The following TBK1 variants were observed in gnomAD, a reference collection of about 807,000 sequenced individuals.
The protein encoded by TBK1 is TANK binding kinase 1.
TBK1 carries 37 observed loss-of-function variants against 99.9 expected under a neutral mutation model. The ratio of observed to expected loss-of-function variants is 0.37; its 90% CI spans 0.28 to 0.49. TBK1 has a LOEUF of 0.49. Among genes scored for constraint, TBK1 ranks in the 20% least tolerant of loss-of-function variants. The pLI is 0.98. For synonymous variants in TBK1, 258 were observed against 279.8 expected, an observed-to-expected ratio of 0.92 and a Z score of 0.78; for missense variants, 644 against 872.5, an observed-to-expected ratio of 0.74 and a Z score of 3.30.
In TBK1 at chr12:64,464,344, G is replaced by C; in HGVS notation, c.239G>C (p.Arg80Thr). 6.4e-7 allele frequency: 1 copy of C among 1,573,006 alleles called. No homozygotes were observed. Among genetic ancestry groups the C allele is most frequent in the Non-Finnish European group, 8.6e-7 (1 of 1,163,330 alleles). Residue 80 changes from arginine (R) to threonine (T), a missense_variant, in exon 4 of 21, where the codon AGA becomes ACA. Around this residue, in one of 3 missense-constraint regions of TBK1, gnomAD observed 148 missense variants for 202.1 expected, o/e 0.73. Transcript: ENST00000331710. Reference protein sequence around the residue: ...LFAIEEETTTRHKVLIMEFCP... With the variant: ...LFAIEEETTTTHKVLIMEFCP... Reference sequence around the variant, plus strand: ...GATTTTTTTTTTCAGACAACAACAAGACATAAAGTACTTATTATGGAATTT... The same window carrying C: ...GATTTTTTTTTTCAGACAACAACAACACATAAAGTACTTATTATGGAATTT...
At chr12:64,458,878 T>G (rs1286331733) in intron 2 of TBK1, among the ~76,000 whole-genome samples, 1 of 152,218 alleles carries the variant, frequency 6.6e-6, no homozygotes, top group Non-Finnish European at 1.5e-5. Context: ...ACTTAAATTC[T>G]TCTCTTTTCA....
chr12:64,498,326 A>G lies in TBK1; in HGVS notation c.2138+287A>G, dbSNP rs990828138. Among the ~76,000 whole-genome samples the G allele has an allele frequency of 1.6e-4, 24 of 152,208 alleles. 1 individual carries two copies. The highest frequency in any genetic ancestry group is 1.2e-3 in the Admixed American group (19 of 15,288). On this transcript the variant is annotated intron_variant, in intron 20 of 20. Coordinates refer to ENST00000331710, the MANE Select transcript of TBK1 (RefSeq NM_013254.4). ...TAATTCATTGGAATCATAATTTTCA[A>G]TTTGGTGAATCAGAGTTGCTTTTTA...
At chr12:64,474,014 A>G (rs2040687257) in intron 5 of TBK1, among the ~76,000 whole-genome samples, 1 of 152,152 alleles carries the variant, frequency 6.6e-6, no homozygotes, top group Admixed American at 6.6e-5. Context: ...CCATTTCCAC[A>G]TTAAATTATG....
In TBK1 at chr12:64,501,418, A is replaced by C; in HGVS notation, c.*37A>C. On this transcript the variant is annotated 3_prime_UTR_variant, in exon 21 of 21. Coordinates refer to ENST00000331710, the MANE Select transcript of TBK1 (RefSeq NM_013254.4). ...AAGTTTAAGAAAAGTTTCCGTTTGC[A>C]CAAGAAAATAACGCTTGGGCATTAA... is the stretch of plus-strand genomic sequence containing the variant. 6.2e-7 allele frequency: 1 copy of C among 1,604,260 alleles called. No homozygotes were observed. The highest frequency in any genetic ancestry group is 1.1e-5 in the South Asian group (1 of 89,674).
chr12:64,452,415 A>AGC (rs2040436416), intron 1 of TBK1: 1 of 151,732 alleles, frequency 6.6e-6, no homozygotes, highest in South Asian at 2.1e-4. Context: ...GGGTGGCCGT[A>AGC]GCCGGTGGAA....
chr12:64,493,532 C>G (rs1190009735), intron 13 of TBK1, among the ~76,000 whole-genome samples: 4 of 151,996 alleles, frequency 2.6e-5, no homozygotes, highest in African/African-American at 9.7e-5. Flanking sequence ...GAGGCTGAGG[C>G]AAGAGAATCA....
chr12:64,460,542 G>A (rs2040536731), intron 3 of TBK1, among the ~76,000 whole-genome samples: 1 of 151,922 alleles, frequency 6.6e-6, no homozygotes, highest in Admixed American at 6.6e-5. Context: ...ATAAAAGGGG[G>A]CGGCCGGCTG....
chr12:64,488,986 A>G (rs755356493), intron 12 of TBK1, among the ~76,000 whole-genome samples: 1 of 152,168 alleles, frequency 6.6e-6, no homozygotes, highest in Non-Finnish European at 1.5e-5. Flanking sequence ...GTGAGACTCC[A>G]TCTCAAAAAA....
At chr12:64,468,189 T>C (rs1024316319) in intron 5 of TBK1, among the ~76,000 whole-genome samples, 2 of 151,950 alleles carry the variant, frequency 1.3e-5, no homozygotes, top group African/African-American at 4.8e-5. Context: ...CTCTGTCTCT[T>C]AATTTTTTAA....
intron 16 of TBK1, 47 bp downstream of exon 16, chr12:64,496,453 GT>G: frequency 1.0e-6 from 1 of 998,462 alleles, no homozygotes; most frequent in Non-Finnish European, 1.4e-6. Context: ...TGCTATTTTG[GT>G]TATCTTTATT....
At chr12:64,457,885 A>G (rs1217766859) in intron 2 of TBK1, among the ~76,000 whole-genome samples, 5 of 152,244 alleles carry the variant, frequency 3.3e-5, no homozygotes, top group African/African-American at 7.2e-5. Context: ...AAAGGAAACA[A>G]ATATGTACTT....
chr12:64,501,515 T>C lies in TBK1; in HGVS notation c.*134T>C, dbSNP rs1259799218. On this transcript the variant is annotated 3_prime_UTR_variant, in exon 21 of 21. Coordinates refer to ENST00000331710, the MANE Select transcript of TBK1 (RefSeq NM_013254.4). ...GATGTGGTCGTGTAAATATGTACAA[T>C]ATTGTAAATACATAAAAAATATACA... 6.3e-6 allele frequency: 5 copies of C among 791,008 alleles called. No individual in the cohort carries two copies. The Admixed American group carries it at 1.5e-4, about 24-fold the overall frequency. The allele number at this position is 791,008 out of a possible 1,614,324, so 49.0% of individuals were successfully genotyped here.
intron 1 of TBK1, chr12:64,453,039 G>A (rs1377593288): frequency 6.6e-6 from 1 of 152,232 alleles, no homozygotes; most frequent in Non-Finnish European, 1.5e-5. Context: ...ACGGTGTAAG[G>A]AAGTAGGCTG....
At position 64,497,498 on chromosome 12, in the gene TBK1, G is replaced by A. The variant is rs11614161; in HGVS notation, c.1960-150G>A. The A allele has an allele frequency of 0.16, 94,347 of 599,782 alleles. 7,812 individuals carry two copies. The highest frequency in any genetic ancestry group is 0.22 in the Middle Eastern group (487 of 2,182). The allele number at this position is 599,782 out of a possible 1,614,324, so 37.2% of individuals were successfully genotyped here. On this transcript the variant is annotated intron_variant, in intron 18 of 20. Coordinates refer to ENST00000331710, the MANE Select transcript of TBK1 (RefSeq NM_013254.4). Reference sequence around the variant, plus strand: ...TTAAAAGGGTGTTGATTTAAGTATTGTATCATCGATAGTTTTGAAATCAAA... The same window carrying A: ...TTAAAAGGGTGTTGATTTAAGTATTATATCATCGATAGTTTTGAAATCAAA...
intron 20 of TBK1, 144 bp from the exon 21 acceptor site, chr12:64,501,186 A>G (rs2040984671): frequency 2.7e-6 from 2 of 728,454 alleles, no homozygotes; most frequent in South Asian, 3.8e-5. Flanking sequence ...CTGTTCCAGT[A>G]AGAAATAGAA....
At chr12:64,493,925 GT>G (rs944854338) in intron 13 of TBK1, among the ~76,000 whole-genome samples, 1 of 152,032 alleles carries the variant, frequency 6.6e-6, no homozygotes, top group African/African-American at 2.4e-5. Flanking sequence ...CATTTCCCAG[GT>G]TTTTTTGGTA....
intron 18 of TBK1, 65 bp from the exon 19 acceptor site, chr12:64,497,583 T>G: frequency 1.8e-6 from 2 of 1,084,744 alleles, no homozygotes; most frequent in African/African-American, 1.6e-5. Flanking sequence ...AGATCTGTAG[T>G]AAGTACTTTT....
chr12:64,495,490 G>A lies in TBK1; in HGVS notation c.1529G>A (p.Ser510Asn). ...DIHTKLLRLS[S>N]SQGTIETSLQ... ...ACCTTTGGTTTTATTTAGCTTTCCA[G>A]TTCTCAGGGAACAATAGAAACCAGT... is the stretch of plus-strand genomic sequence containing the variant. Residue 510 changes from serine to asparagine, a missense_variant, in exon 14 of 21, where the codon AGT (serine) becomes AAT (asparagine). Ser to Asn is a conservative substitution (Grantham distance 46). Transcript: ENST00000331710. 2 of 1,613,370 alleles carry A rather than the reference G, an allele frequency of 1.2e-6. No individual in the cohort carries two copies. The highest frequency in any genetic ancestry group is 1.7e-6 in the Non-Finnish European group (2 of 1,179,764).
At chr12:64,479,951 C>T (rs1451060731) in intron 6 of TBK1, 61 bp from the exon 7 acceptor site, 1 of 1,169,686 alleles carries the variant, frequency 8.5e-7, no homozygotes, top group Non-Finnish European at 1.2e-6. Flanking sequence ...TTTTGCAAAG[C>T]CCATTAATAA....
Sources: allele counts gnomAD v4.1 joint callset (sites outside exome capture counted in the v4.1 genomes callset), GRCh38; gene constraint gnomAD v4.1.1; regional missense constraint gnomAD v4.1.1; transcripts MANE v1.5; gene names NCBI Gene and HGNC (gene_info 2026-07-23, HGNC 2026-07-21).